The following GDAP1 variants were observed in gnomAD, a reference collection of about 807,000 sequenced individuals.
GDAP1 encodes ganglioside-induced differentiation-associated protein 1.
GDAP1 carries 34 observed loss-of-function variants against 40.1 expected under a neutral mutation model. The ratio of observed to expected loss-of-function variants is 0.85; its 90% CI spans 0.64 to 1.13. The LOEUF (loss-of-function observed/expected upper bound fraction) is 1.13. Among genes scored for constraint, GDAP1 ranks in the 50% most tolerant of loss-of-function variants. The pLI is 0.00. For synonymous variants in GDAP1, 170 were observed against 157.4 expected (o/e 1.08, Z -0.60); for missense variants, 374 against 433.7 (o/e 0.86, Z 1.22).
At chr8:74,384,652 T>G (rs1809999340) in intron 2 of GDAP1, among the ~76,000 whole-genome samples, 1 of 152,130 alleles carries the variant, frequency 6.6e-6, no homozygotes, top group South Asian at 2.1e-4. Context: ...AAACCCCACA[T>G]CAAGAAGATT....
chr8:74,441,450 G>A (rs954690235), intron 2 of GDAP1, among the ~76,000 whole-genome samples: 1 of 151,952 alleles, frequency 6.6e-6, no homozygotes, highest in Non-Finnish European at 1.5e-5. Flanking sequence ...TTGACTGAGG[G>A]GAACATAAAA....
At chr8:74,486,727 A>C (rs1246521486) in intron 2 of GDAP1, among the ~76,000 whole-genome samples, 1 of 152,172 alleles carries the variant, frequency 6.6e-6, no homozygotes, top group Non-Finnish European at 1.5e-5. Context: ...TTCTCAGCTA[A>C]GAAGGCCCCA....
At chr8:74,460,025 A>C (rs929054612) in intron 2 of GDAP1, among the ~76,000 whole-genome samples, 2 of 152,174 alleles carry the variant, frequency 1.3e-5, no homozygotes, top group Non-Finnish European at 2.9e-5. Flanking sequence ...ATCTGTGGGC[A>C]GCATTGAGTA....
intron 2 of GDAP1, among the ~76,000 whole-genome samples, chr8:74,414,107 T>G (rs1186956424): frequency 6.7e-6 from 1 of 150,212 alleles, no homozygotes; most frequent in Admixed American, 6.6e-5. Flanking sequence ...GAAATGGAAA[T>G]GACATTAGAA....
intron 2 of GDAP1, among the ~76,000 whole-genome samples, chr8:74,485,770 GAATC>G (rs1412162047): frequency 6.6e-6 from 1 of 152,098 alleles, no homozygotes; most frequent in Non-Finnish European, 1.5e-5. Flanking sequence ...AAACCACCTT[GAATC>G]AACTGGGGAA....
Position 74,366,566 on chromosome 8 carries a change from G to C in GDAP1, c.*2199G>C. 2 of 453,730 alleles carry C rather than the reference G, an allele frequency of 4.4e-6. No individual in the cohort carries two copies. Among genetic ancestry groups the C allele is most frequent in the Non-Finnish European group, 4.4e-6 (1 of 226,610 alleles). 28.1% of individuals were successfully genotyped at this position (453,730 alleles called of 1,614,324 possible). A position where few individuals can be genotyped will look rare whatever the true frequency, so the allele number is the denominator to read the frequency against. ...TCTTTTTCATGATTATCGGTGACTG[G>C]TCAGTGTACTCATCAATTTCCAAAA... On this transcript the variant is annotated 3_prime_UTR_variant, in exon 6 of 6. Coordinates refer to ENST00000220822, the MANE Select transcript of GDAP1 (RefSeq NM_018972.4).
intron 2 of GDAP1, among the ~76,000 whole-genome samples, chr8:74,469,976 A>G (rs1237460600): frequency 1.3e-5 from 2 of 152,202 alleles, no homozygotes; most frequent in East Asian, 3.8e-4. Context: ...CTCCATCTCA[A>G]AAAAATAAAA....
At chr8:74,437,338 G>T (rs919590530) in intron 2 of GDAP1, among the ~76,000 whole-genome samples, 1 of 152,142 alleles carries the variant, frequency 6.6e-6, no homozygotes, top group Non-Finnish European at 1.5e-5. Flanking sequence ...GTTACCAGTC[G>T]CAGTAAAGCT....
At chr8:74,404,860 G>A (rs967568014) in intron 2 of GDAP1, among the ~76,000 whole-genome samples, 10 of 149,814 alleles carry the variant, frequency 6.7e-5, no homozygotes, top group East Asian at 1.9e-4. Flanking sequence ...TCCCTCAACC[G>A]CTGATACCAT....
At chr8:74,432,875 A>G (rs1274034765) in intron 2 of GDAP1, among the ~76,000 whole-genome samples, 7 of 152,188 alleles carry the variant, frequency 4.6e-5, no homozygotes, top group Non-Finnish European at 1.0e-4. Context: ...TAAATTTTTT[A>G]TGAGATCATT....
intron 3 of GDAP1, among the ~76,000 whole-genome samples, chr8:74,361,457 C>G (rs1809359285): frequency 6.6e-6 from 1 of 151,754 alleles, no homozygotes; most frequent in African/African-American, 2.4e-5. Flanking sequence ...CGTGCAGTGG[C>G]ATCATCTCGG....
chr8:74,380,403 C>T (rs1809931889), intron 2 of GDAP1, among the ~76,000 whole-genome samples: 1 of 152,066 alleles, frequency 6.6e-6, no homozygotes, highest in Admixed American at 6.5e-5. Flanking sequence ...GAACTCAAGT[C>T]TCCTAAATCC....
downstream of GDAP1, chr8:74,366,994 C>CTA: frequency 3.5e-6 from 1 of 283,116 alleles, no homozygotes; most frequent in Non-Finnish European, 6.9e-6. Context: ...AGATACTTAG[C>CTA]TATAGGATGC....
chr8:74,486,593 G>C (rs766978042), intron 2 of GDAP1, among the ~76,000 whole-genome samples: 3 of 152,168 alleles, frequency 2.0e-5, no homozygotes, highest in Non-Finnish European at 4.4e-5. Context: ...AGAACGTACT[G>C]TTCTTCTTGA....
At chr8:74,371,364 G>A (rs1190542932), downstream of GDAP1, among the ~76,000 whole-genome samples, 1 of 152,162 alleles carries the variant, frequency 6.6e-6, no homozygotes, top group Non-Finnish European at 1.5e-5. Context: ...AAATCATAAG[G>A]GAATAAGAAA....
intron 2 of GDAP1, among the ~76,000 whole-genome samples, chr8:74,393,386 G>T (rs1427811017): frequency 6.6e-6 from 1 of 152,158 alleles, no homozygotes; most frequent in African/African-American, 2.4e-5. Flanking sequence ...GTAAGTTTAG[G>T]ATAAGGAATG....
At chr8:74,373,008 A>C (rs1265116309) in intron 2 of GDAP1, among the ~76,000 whole-genome samples, 1 of 152,212 alleles carries the variant, frequency 6.6e-6, no homozygotes, top group East Asian at 1.9e-4. Context: ...TCCCAGCACC[A>C]TTTGTTAAAT....
chr8:74,459,969 C>T (rs753889237), intron 2 of GDAP1, among the ~76,000 whole-genome samples: 9 of 152,182 alleles, frequency 5.9e-5, no homozygotes, highest in Non-Finnish European at 8.8e-5. Flanking sequence ...GGAGCTTTGT[C>T]ACTGGAATAC....
At chr8:74,383,130 A>G (rs1809978466) in intron 2 of GDAP1, among the ~76,000 whole-genome samples, 1 of 152,184 alleles carries the variant, frequency 6.6e-6, no homozygotes, top group African/African-American at 2.4e-5. Flanking sequence ...GAAACATGAC[A>G]TTTTGTTTCC....
Sources: gnomAD v4.1 joint callset for allele counts (sites outside exome capture counted in the v4.1 genomes callset) on GRCh38, gnomAD v4.1.1 for gene constraint, MANE v1.5 for transcripts, NCBI Gene and HGNC (gene_info 2026-07-23, HGNC 2026-07-21) for gene names.